Variants in ABLIM1 observed in about 807,000 individuals in gnomAD.
The protein encoded by ABLIM1 is actin-binding LIM protein 1.
ABLIM1 carries 40 observed loss-of-function variants against 107.0 expected under a neutral mutation model. The ratio of observed to expected loss-of-function variants is 0.37; its 90% CI spans 0.29 to 0.49. The LOEUF is 0.49. Ranked by LOEUF, ABLIM1 falls within the 20% of genes least tolerant of loss-of-function variation. ABLIM1 has a pLI of 0.97. For missense variants in ABLIM1, 857 were observed against 1,008.5 expected (o/e 0.85, Z 2.04); for synonymous variants, 357 against 357.3 (o/e 1.00, Z 0.01).
intron 6 of ABLIM1, among the ~76,000 whole-genome samples, chr10:114,508,915 C>T (rs991264457): frequency 1.3e-5 from 2 of 152,156 alleles, no homozygotes; most frequent in Admixed American, 6.5e-5. Flanking sequence ...AGTATCTGTG[C>T]TATGCTTTTC....
At chr10:114,651,839 G>A (rs138688916) in intron 1 of ABLIM1, among the ~76,000 whole-genome samples, 1 of 152,270 alleles carries the variant, frequency 6.6e-6, no homozygotes, top group Non-Finnish European at 1.5e-5. Flanking sequence ...ACTGCTGTTT[G>A]GGGGGAACCA....
chr10:114,763,193 A>C (rs953164492), intron 1 of ABLIM1, among the ~76,000 whole-genome samples: 2 of 152,194 alleles, frequency 1.3e-5, no homozygotes, highest in African/African-American at 4.8e-5. Context: ...AGCTAACCAG[A>C]TAGAAAATTG....
chr10:114,478,672 T>A (rs956334725), intron 8 of ABLIM1, among the ~76,000 whole-genome samples: 16 of 152,244 alleles, frequency 1.1e-4, no homozygotes, highest in Admixed American at 1.0e-3. Context: ...CATGCAGAAC[T>A]GTGGGTCAAT....
chr10:114,791,567 G>C, the ABLIM1 span, among the ~76,000 whole-genome samples: 1 of 151,918 alleles, frequency 6.6e-6, no homozygotes, highest in Non-Finnish European at 1.5e-5. Flanking sequence ...GAACCTGGGA[G>C]GGGGAGCTTG....
intron 1 of ABLIM1, among the ~76,000 whole-genome samples, chr10:114,721,585 G>C (rs2081849222): frequency 6.6e-6 from 1 of 152,036 alleles, no homozygotes; most frequent in Non-Finnish European, 1.5e-5. Flanking sequence ...AGGTTCAAAT[G>C]ATTCTCCTGC....
intron 2 of ABLIM1, among the ~76,000 whole-genome samples, chr10:114,600,891 A>C (rs2075916625): frequency 6.6e-6 from 1 of 152,168 alleles, no homozygotes; most frequent in African/African-American, 2.4e-5. Context: ...CTCTGAAATA[A>C]CAGGTTGGCA....
At chr10:114,738,270 G>A (rs1007881481) in intron 1 of ABLIM1, among the ~76,000 whole-genome samples, 8 of 152,074 alleles carry the variant, frequency 5.3e-5, no homozygotes, top group Non-Finnish European at 7.3e-5. Flanking sequence ...GGCTGGTCTC[G>A]AACTCCTGGC....
At chr10:114,716,480 C>T (rs1055793394) in intron 1 of ABLIM1, among the ~76,000 whole-genome samples, 2 of 150,754 alleles carry the variant, frequency 1.3e-5, no homozygotes, top group Non-Finnish European at 3.0e-5. Flanking sequence ...AAAAAGAAAA[C>T]GAGTGTTAAG....
At chr10:114,458,712 T>C (rs2133205025) in intron 12 of ABLIM1, among the ~76,000 whole-genome samples, 1 of 152,326 alleles carries the variant, frequency 6.6e-6, no homozygotes, top group South Asian at 2.1e-4. Context: ...AGAGGAAAGA[T>C]TCCTTTCAAA....
At chr10:114,467,158 C>CA (rs748390459) in intron 11 of ABLIM1, among the ~76,000 whole-genome samples, 20 of 148,952 alleles carry the variant, frequency 1.3e-4, no homozygotes, top group South Asian at 4.3e-4. Flanking sequence ...GACTCTGTCT[C>CA]AAAAAAAAAG....
upstream of ABLIM1, among the ~76,000 whole-genome samples, chr10:114,662,238 G>T (rs1361480204): frequency 6.6e-6 from 1 of 151,910 alleles, no homozygotes; most frequent in African/African-American, 2.4e-5. Flanking sequence ...TTTCATTTTT[G>T]TTGTTGTTTT....
At chr10:114,467,921 A>G (rs1439896025) in intron 11 of ABLIM1, among the ~76,000 whole-genome samples, 1 of 152,218 alleles carries the variant, frequency 6.6e-6, no homozygotes, top group Non-Finnish European at 1.5e-5. Context: ...TCCTGCAGAC[A>G]CTTTGCTTCC....
At chr10:114,584,140 G>T (rs956724015) in intron 2 of ABLIM1, among the ~76,000 whole-genome samples, 9 of 149,168 alleles carry the variant, frequency 6.0e-5, no homozygotes, top group African/African-American at 2.3e-4. Flanking sequence ...TAAGAAAAAA[G>T]AAAAGAAAAG....
upstream of ABLIM1, among the ~76,000 whole-genome samples, chr10:114,659,223 C>G (rs1046815143): frequency 2.6e-5 from 4 of 151,952 alleles, no homozygotes; most frequent in African/African-American, 7.3e-5. Context: ...TGCATAAGAA[C>G]CATCTGCAGG....
At chr10:114,645,275 C>A (rs947769474) in intron 1 of ABLIM1, among the ~76,000 whole-genome samples, 2 of 152,106 alleles carry the variant, frequency 1.3e-5, no homozygotes, top group African/African-American at 4.8e-5. Context: ...AGCTTCCTCA[C>A]CCCTTGGCTG....
At chr10:114,471,911 G>GA (rs1370109114) in intron 10 of ABLIM1, among the ~76,000 whole-genome samples, 1 of 151,978 alleles carries the variant, frequency 6.6e-6, no homozygotes, top group African/African-American at 2.4e-5. Flanking sequence ...AAATAAAAGA[G>GA]AAAAAAATGA....
intron 1 of ABLIM1, among the ~76,000 whole-genome samples, chr10:114,746,377 G>A (rs1248873725): frequency 6.6e-6 from 1 of 152,128 alleles, no homozygotes; most frequent in African/African-American, 2.4e-5. Flanking sequence ...ACTTAGCATT[G>A]TGTTCTCCAA....
chr10:114,497,022 CA>C (rs2059754000), intron 6 of ABLIM1, among the ~76,000 whole-genome samples: 3 of 152,298 alleles, frequency 2.0e-5, no homozygotes, highest in African/African-American at 7.2e-5. Context: ...GCAAATTTAC[CA>C]AAAATCAGAT....
chr10:114,599,537 T>C (rs1247926602), intron 2 of ABLIM1, among the ~76,000 whole-genome samples: 1 of 152,030 alleles, frequency 6.6e-6, no homozygotes, highest in African/African-American at 2.4e-5. Flanking sequence ...TTTGGGAGGC[T>C]GAGGCAGGAG....
Sources: allele counts gnomAD v4.1 joint callset (sites outside exome capture counted in the v4.1 genomes callset), GRCh38; gene constraint gnomAD v4.1.1; transcripts MANE v1.5; gene names NCBI Gene and HGNC (gene_info 2026-07-23, HGNC 2026-07-21).